Variants in NBAS observed in about 807,000 individuals in gnomAD.
NBAS encodes the protein NBAS subunit of NRZ tethering complex.
In NBAS, 219 loss-of-function variants were observed where a neutral mutation model predicts 302.5. That is an observed-to-expected ratio of 0.72 (90% CI 0.65 to 0.81). The LOEUF is 0.81. NBAS is among the 30% of genes least tolerant of loss of function. NBAS has a pLI of 0.00. For synonymous variants in NBAS, 1,118 were observed against 1,021.6 expected (o/e 1.09, Z -1.80); for missense variants, 2,932 against 2,841.6 (o/e 1.03, Z -0.72).
At chr2:14,934,078 C>T in the NBAS span, among the ~76,000 whole-genome samples, 23,651 of 151,976 alleles carry the variant, frequency 0.16, 2,527 homozygotes, top group African/African-American at 0.31. Flanking sequence ...TCCTAAGATC[C>T]AGCCAACTTC....
At chr2:15,422,760 C>G (rs1441862512) in intron 23 of NBAS, among the ~76,000 whole-genome samples, 2 of 152,124 alleles carry the variant, frequency 1.3e-5, no homozygotes, top group East Asian at 3.8e-4. Context: ...ATTCCTAGCT[C>G]AACTGACAAA....
At chr2:15,541,086 C>T (rs1374711546) in intron 6 of NBAS, among the ~76,000 whole-genome samples, 2 of 152,144 alleles carry the variant, frequency 1.3e-5, no homozygotes, top group Non-Finnish European at 2.9e-5. Context: ...TCTTACTCAT[C>T]CTTCCAGGTC....
the NBAS span, among the ~76,000 whole-genome samples, chr2:14,914,717 C>T: frequency 6.6e-6 from 1 of 152,170 alleles, no homozygotes; most frequent in South Asian, 2.1e-4. Flanking sequence ...AAGAGAAATC[C>T]AGACATCTCT....
At chr2:14,851,093 AG>A in the NBAS span, among the ~76,000 whole-genome samples, 4 of 129,090 alleles carry the variant, frequency 3.1e-5, no homozygotes, top group East Asian at 6.0e-4. Context: ...GCAGAACTGA[AG>A]GAAATAGAGA....
chr2:15,485,715 G>A (rs982507168), intron 12 of NBAS, among the ~76,000 whole-genome samples: 5 of 152,196 alleles, frequency 3.3e-5, no homozygotes, highest in African/African-American at 4.8e-5. Flanking sequence ...GAGTGTCTGT[G>A]AAGAGGTTGA....
At chr2:15,002,511 T>G in the NBAS span, among the ~76,000 whole-genome samples, 2 of 152,182 alleles carry the variant, frequency 1.3e-5, no homozygotes, top group Non-Finnish European at 2.9e-5. Flanking sequence ...TGGAGCTGCC[T>G]GCCAGTCCCA....
intron 31 of NBAS, among the ~76,000 whole-genome samples, chr2:15,369,193 T>C (rs554720206): frequency 4.8e-4 from 73 of 152,334 alleles, no homozygotes; most frequent in African/African-American, 1.5e-3. Flanking sequence ...GGAGTTTTCA[T>C]AGCTGCTTTT....
intron 16 of NBAS, among the ~76,000 whole-genome samples, chr2:15,470,910 G>A (rs1348002458): frequency 2.0e-5 from 3 of 151,976 alleles, no homozygotes; most frequent in Non-Finnish European, 2.9e-5. Context: ...GCAGTGAGCC[G>A]AGATCGCACC....
Position 15,518,981 on chromosome 2 carries a change from A to G in NBAS, c.747-7631T>C, listed in dbSNP as rs912269700. 5.9e-5 allele frequency among the ~76,000 whole-genome samples: 9 copies of G among 152,288 alleles called. No homozygotes were observed. The East Asian group carries it at 1.7e-3, about 29-fold the overall frequency. ...CAGGTCCCTCCCACAACACGTGGAA[A>G]TTACGGGAGCTACAAGATGAGATTT... is the stretch of plus-strand genomic sequence containing the variant. On this transcript the variant is annotated intron_variant, in intron 9 of 51. Transcript: ENST00000281513.
chr2:14,856,533 A>T, the NBAS span, among the ~76,000 whole-genome samples: 1 of 152,224 alleles, frequency 6.6e-6, no homozygotes, highest in African/African-American at 2.4e-5. Flanking sequence ...TGTGTTAAGG[A>T]AACTCAAAGA....
chr2:14,922,908 T>C, the NBAS span, among the ~76,000 whole-genome samples: 4 of 152,168 alleles, frequency 2.6e-5, no homozygotes, highest in African/African-American at 9.7e-5. Context: ...ATCCCAGCAC[T>C]TTGGGAGGCC....
chr2:15,525,587 G>T (rs1260425297), intron 9 of NBAS, among the ~76,000 whole-genome samples: 1 of 152,096 alleles, frequency 6.6e-6, no homozygotes, highest in Non-Finnish European at 1.5e-5. Flanking sequence ...CTGGAACTCA[G>T]TGTCAAAGGG....
At chr2:15,509,324 T>C (rs1662029885) in intron 10 of NBAS, among the ~76,000 whole-genome samples, 1 of 152,108 alleles carries the variant, frequency 6.6e-6, no homozygotes, top group African/African-American at 2.4e-5. Context: ...ATGTGGCCAA[T>C]AATACACCAA....
chr2:14,828,848 G>C, the NBAS span, among the ~76,000 whole-genome samples: 1 of 152,122 alleles, frequency 6.6e-6, no homozygotes, highest in Non-Finnish European at 1.5e-5. Flanking sequence ...CATAGGTGTT[G>C]GGGTTGAAAT....
At chr2:15,001,411 T>C in the NBAS span, among the ~76,000 whole-genome samples, 1 of 152,116 alleles carries the variant, frequency 6.6e-6, no homozygotes, top group Non-Finnish European at 1.5e-5. Context: ...ATATCTCCCA[T>C]ATATAATGTA....
chr2:15,162,952 G>A (rs1448102574), downstream of NBAS, among the ~76,000 whole-genome samples: 1 of 152,172 alleles, frequency 6.6e-6, no homozygotes, highest in Non-Finnish European at 1.5e-5. Flanking sequence ...ATGCTCTTCT[G>A]CTACATTTAT....
At chr2:14,884,703 G>C in the NBAS span, among the ~76,000 whole-genome samples, 1 of 152,192 alleles carries the variant, frequency 6.6e-6, no homozygotes, top group Non-Finnish European at 1.5e-5. Flanking sequence ...ATTCCAATGA[G>C]AGGAGGCATA....
At chr2:15,033,456 T>C in the NBAS span, among the ~76,000 whole-genome samples, 930 of 152,230 alleles carry the variant, frequency 6.1e-3, 3 homozygotes, top group Middle Eastern at 0.014. Flanking sequence ...TTAAGACTTT[T>C]AGGGTTGTAG....
intron 25 of NBAS, among the ~76,000 whole-genome samples, chr2:15,407,864 G>A (rs2148443265): frequency 6.6e-6 from 1 of 152,258 alleles, no homozygotes; most frequent in South Asian, 2.1e-4. Context: ...AAATTCAGTT[G>A]TCAGCAAATA....
Sources: allele counts gnomAD v4.1 joint callset (sites outside exome capture counted in the v4.1 genomes callset), GRCh38; gene constraint gnomAD v4.1.1; transcripts MANE v1.5; gene names NCBI Gene and HGNC (gene_info 2026-07-23, HGNC 2026-07-21).